The following C1QTNF7 variants were observed in gnomAD, a reference collection of about 807,000 sequenced individuals.
The protein encoded by C1QTNF7 is complement C1q tumor necrosis factor-related protein 7.
C1QTNF7 carries 15 observed loss-of-function variants against 19.6 expected under a neutral mutation model. That is an observed-to-expected ratio of 0.76 (90% confidence interval 0.51 to 1.18). The LOEUF is 1.18. C1QTNF7 is among the 50% of genes most tolerant of loss of function. The pLI is 0.00. For missense variants in C1QTNF7, 324 were observed against 359.7 expected (o/e 0.90, Z 0.80); for synonymous variants, 142 against 137.5 (o/e 1.03, Z -0.23).
chr4:15,431,404 A>G (rs745425925), intron 1 of C1QTNF7, among the ~76,000 whole-genome samples: 3 of 152,352 alleles, frequency 2.0e-5, no homozygotes, highest in Admixed American at 6.5e-5. Flanking sequence ...CTGGGTATCC[A>G]GAAGACTCAA....
intron 2 of C1QTNF7, among the ~76,000 whole-genome samples, chr4:15,439,950 G>GT: frequency 6.6e-6 from 1 of 151,126 alleles, no homozygotes; most frequent in Admixed American, 6.6e-5. Flanking sequence ...TATATAAAAC[G>GT]TGAATGTCAT....
chr4:15,429,780 G>A (rs1447218876), intron 1 of C1QTNF7, among the ~76,000 whole-genome samples: 5 of 152,016 alleles, frequency 3.3e-5, no homozygotes, highest in South Asian at 2.1e-4. Context: ...ACTTCTTTTG[G>A]ATATATGCCC....
intron 1 of C1QTNF7, among the ~76,000 whole-genome samples, chr4:15,351,565 T>C (rs1328210060): frequency 6.6e-6 from 1 of 152,180 alleles, no homozygotes; most frequent in Non-Finnish European, 1.5e-5. Context: ...GGCTGCACCT[T>C]AATGATCAAC....
At chr4:15,408,145 C>T (rs71601473) in intron 1 of C1QTNF7, among the ~76,000 whole-genome samples, 39,200 of 151,480 alleles carry the variant, frequency 0.26, 5,970 homozygotes, top group East Asian at 0.38. Context: ...TGGTGGCGCA[C>T]GCCTGTAGTC....
chr4:15,344,241 T>A (rs1188412795), intron 1 of C1QTNF7, among the ~76,000 whole-genome samples: 88 of 152,226 alleles, frequency 5.8e-4, no homozygotes, highest in Non-Finnish European at 2.8e-4. Context: ...CCACAAAGTT[T>A]AGATTTTCTT....
chr4:15,442,110 T>C (rs1577286948), intron 2 of C1QTNF7, 58 bp from the exon 3 acceptor site: 1 of 1,520,772 alleles, frequency 6.6e-7, no homozygotes, highest in South Asian at 1.3e-5. Context: ...TGTAGGTATA[T>C]TGTTTGTGAT....
intron 1 of C1QTNF7, among the ~76,000 whole-genome samples, chr4:15,407,653 A>G (rs1197065284): frequency 6.6e-6 from 1 of 152,238 alleles, no homozygotes; most frequent in Non-Finnish European, 1.5e-5. Flanking sequence ...AAAGACAAAG[A>G]GCATTAGTAA....
intron 1 of C1QTNF7, among the ~76,000 whole-genome samples, chr4:15,345,742 C>T (rs1325810682): frequency 1.3e-5 from 2 of 152,140 alleles, no homozygotes; most frequent in Non-Finnish European, 2.9e-5. Context: ...GATAAAACAG[C>T]TTCTTCAAAG....
intron 1 of C1QTNF7, among the ~76,000 whole-genome samples, chr4:15,391,189 T>C (rs576206464): frequency 1.3e-5 from 2 of 151,946 alleles, no homozygotes; most frequent in African/African-American, 4.8e-5. Flanking sequence ...GACTGTTGTA[T>C]GTATGTTGTA....
rs559399995 is a variant in C1QTNF7, at chr4:15,379,318, C to T, written c.13+39111C>T. Among the ~76,000 whole-genome samples the T allele has an allele frequency of 3.9e-5, 6 of 152,256 alleles. No individual in the cohort carries two copies. The South Asian group carries it at 1.2e-3, about 32-fold the overall frequency. On this transcript the variant is annotated intron_variant, in intron 1 of 2. Coordinates refer to the C1QTNF7 transcript ENST00000295297. ...TCTTGGGATCCGACACAATTTCAAC[C>T]AGAGAATAGTGGTAAGTTGTTGTCC... is the stretch of plus-strand genomic sequence containing the variant.
At chr4:15,394,922 G>A (rs1456533032) in intron 1 of C1QTNF7, among the ~76,000 whole-genome samples, 2 of 152,224 alleles carry the variant, frequency 1.3e-5, no homozygotes, top group Non-Finnish European at 2.9e-5. Context: ...AAGAACTTGA[G>A]TAGGACTGTC....
intron 1 of C1QTNF7, among the ~76,000 whole-genome samples, chr4:15,379,489 G>T (rs1718064710): frequency 6.6e-6 from 1 of 152,176 alleles, no homozygotes; most frequent in Non-Finnish European, 1.5e-5. Flanking sequence ...TTACAGATAA[G>T]GAAATGAAGC....
chr4:15,355,106 T>C (rs1717087799), intron 1 of C1QTNF7, among the ~76,000 whole-genome samples: 1 of 152,102 alleles, frequency 6.6e-6, no homozygotes, highest in Non-Finnish European at 1.5e-5. Context: ...ACAAGCTTGC[T>C]CAGTTGCAGA....
At chr4:15,428,370 G>C (rs931181440) in intron 1 of C1QTNF7, among the ~76,000 whole-genome samples, 1 of 152,074 alleles carries the variant, frequency 6.6e-6, no homozygotes. Context: ...TGCTCTCTAG[G>C]ATATAAAATG....
chr4:15,409,089 C>T (rs1719309410), intron 1 of C1QTNF7, among the ~76,000 whole-genome samples: 2 of 152,166 alleles, frequency 1.3e-5, no homozygotes, highest in African/African-American at 2.4e-5. Context: ...ATTTTCAATT[C>T]CACTTCTGCT....
intron 1 of C1QTNF7, among the ~76,000 whole-genome samples, chr4:15,408,509 C>T (rs773859900): frequency 3.3e-5 from 5 of 151,624 alleles, no homozygotes; most frequent in Non-Finnish European, 7.4e-5. Context: ...TATATATATA[C>T]AGATAAGAAT....
chr4:15,441,893 C>T (rs1031529851), intron 2 of C1QTNF7, among the ~76,000 whole-genome samples: 9 of 151,846 alleles, frequency 5.9e-5, no homozygotes, highest in East Asian at 1.9e-4. Context: ...TAGTGGCAGG[C>T]GCCTATAATC....
chr4:15,421,922 A>G (rs13116266), intron 1 of C1QTNF7, among the ~76,000 whole-genome samples: 1 of 152,198 alleles, frequency 6.6e-6, no homozygotes, highest in Admixed American at 6.5e-5. Context: ...AAGTGAAAGA[A>G]CAGAGCCTCA....
In C1QTNF7 at chr4:15,435,975, A is replaced by G. The variant is rs144855703; in HGVS notation, c.232A>G (p.Thr78Ala). The change falls in exon 2 of 3, where the codon ACT becomes GCT. Residue 78 changes from threonine (T) to alanine (A), a missense_variant. Transcript: ENST00000444304. ...GAAAGGAGAGAAAGGTGAAAAGGGA[A>G]CTGCAGGTAATGAATGAGAAGTTGC... is the stretch of plus-strand genomic sequence containing the variant. Reference protein sequence around the residue: ...GRKGEKGEKGTAGLRGKTGPL... With the variant: ...GRKGEKGEKGAAGLRGKTGPL... 60 of 1,612,390 alleles carry G rather than the reference A, an allele frequency of 3.7e-5. No homozygotes were observed. The highest frequency in any genetic ancestry group is 4.7e-5 in the Non-Finnish European group (56 of 1,179,294).
Sources: gnomAD v4.1 joint callset for allele counts (sites outside exome capture counted in the v4.1 genomes callset) on GRCh38, gnomAD v4.1.1 for gene constraint, MANE v1.5 for transcripts, NCBI Gene and HGNC (gene_info 2026-07-23, HGNC 2026-07-21) for gene names.